The following PGAP3 variants were observed in gnomAD, a reference collection of about 807,000 sequenced individuals.
PGAP3 encodes the protein GPI-specific phospholipase A2-like PGAP3.
In PGAP3, 31 loss-of-function variants were observed where a neutral mutation model predicts 40.3. The ratio of observed to expected loss-of-function variants is 0.77; its 90% confidence interval spans 0.58 to 1.04. The LOEUF (loss-of-function observed/expected upper bound fraction) is 1.04, where lower values mean the gene tolerates loss of function less well. Among genes scored for constraint, PGAP3 ranks in the 50% least tolerant of loss-of-function variants. PGAP3 has a pLI of 0.00. For synonymous variants in PGAP3, 191 were observed against 184.5 expected, an observed-to-expected ratio of 1.04 and a Z score of -0.29; for missense variants, 413 against 423.0, an observed-to-expected ratio of 0.98 and a Z score of 0.21.
chr17:39,672,521 G>A lies in PGAP3; in HGVS notation c.*282C>T, dbSNP rs779294992. 6 of 496,674 alleles carry A rather than the reference G, an allele frequency of 1.2e-5. No homozygotes were observed. The highest frequency in any genetic ancestry group is 1.9e-5 in the African/African-American group (1 of 51,458). 30.8% of individuals were successfully genotyped at this position (496,674 alleles called of 1,614,324 possible). A position where few individuals can be genotyped will look rare whatever the true frequency, so the allele number is the denominator to read the frequency against. On this transcript the variant is annotated 3_prime_UTR_variant, in exon 8 of 8. Transcript: ENST00000300658. ...GGAGGAAACAGGCAGCTGTCCTCCC[G>A]GTAGAGCTAAGAGCACACTCAGTTC...
chr17:39,675,156 G>A (rs1285505940), intron 3 of PGAP3, among the ~76,000 whole-genome samples: 1 of 151,958 alleles, frequency 6.6e-6, no homozygotes, highest in African/African-American at 2.4e-5. Flanking sequence ...GCAGGGGAGG[G>A]AGATCAAGCA....
In PGAP3 at chr17:39,673,262, G is replaced by A. The variant is rs961824619; in HGVS notation, c.695-7C>T. 3 of 1,556,404 alleles carry A rather than the reference G, an allele frequency of 1.9e-6. No homozygotes were observed. The highest frequency in any genetic ancestry group is 2.6e-6 in the Non-Finnish European group (3 of 1,150,510). On this transcript the variant is annotated splice_region_variant and splice_polypyrimidine_tract_variant and intron_variant, in intron 6 of 7. Transcript: ENST00000300658. ...CACACCACGTTGACCAGGCCTGGGTGCCAGTGGGGGCAGGAGAGACTCATT... is the reference window on the plus strand; with the variant it reads ...CACACCACGTTGACCAGGCCTGGGTACCAGTGGGGGCAGGAGAGACTCATT...
In PGAP3 at chr17:39,686,214, C is replaced by T. The variant is rs35466868; in HGVS notation, c.182-195G>A. ...GTACACATAGGGGAAGGTGTATGTA[C>T]GTATGTATGCATATTTTAGTGAGCA... is the stretch of plus-strand genomic sequence containing the variant. On this transcript the variant is annotated intron_variant, in intron 1 of 7. Coordinates refer to ENST00000300658, the MANE Select transcript of PGAP3 (RefSeq NM_033419.5). Among the ~76,000 whole-genome samples, 905 of 152,212 alleles carry T rather than the reference C, an allele frequency of 5.9e-3. 11 individuals are homozygous for T. The highest frequency in any genetic ancestry group is 0.021 in the African/African-American group (865 of 41,530).
At chr17:39,672,914 C>T (rs369539443) in intron 7 of PGAP3, 48 bp from the exon 8 acceptor site, 85 of 1,601,250 alleles carry the variant, frequency 5.3e-5, no homozygotes, top group South Asian at 1.2e-4. Context: ...TCTGACAGCT[C>T]GCATGGAGAC....
intron 3 of PGAP3, among the ~76,000 whole-genome samples, chr17:39,677,430 C>T (rs2057388122): frequency 6.6e-6 from 1 of 152,192 alleles, no homozygotes; most frequent in Non-Finnish European, 1.5e-5. Flanking sequence ...GGAAGAGCCC[C>T]TCCTCCTTCC....
intron 2 of PGAP3, chr17:39,684,983 T>C: frequency 5.9e-6 from 3 of 509,006 alleles, no homozygotes; most frequent in South Asian, 2.7e-5. Flanking sequence ...CCCTGATCTC[T>C]GGGAAGACCA....
At chr17:39,685,187 G>A (rs566616644) in intron 2 of PGAP3, among the ~76,000 whole-genome samples, 2 of 152,000 alleles carry the variant, frequency 1.3e-5, no homozygotes, top group South Asian at 2.1e-4. Context: ...GGATTGAAAC[G>A]TACCAGCAGG....
intron 3 of PGAP3, among the ~76,000 whole-genome samples, chr17:39,682,069 A>G (rs909084546): frequency 2.0e-5 from 3 of 150,788 alleles, no homozygotes; most frequent in African/African-American, 7.3e-5. Context: ...AAATACACAC[A>G]CAAAAAATTA....
At chr17:39,680,835 C>T (rs1203040200) in intron 3 of PGAP3, among the ~76,000 whole-genome samples, 1 of 152,112 alleles carries the variant, frequency 6.6e-6, no homozygotes, top group Non-Finnish European at 1.5e-5. Context: ...GTGATCTCAT[C>T]CACACCCACA....
At chr17:39,677,750 G>C (rs1207109074) in intron 3 of PGAP3, among the ~76,000 whole-genome samples, 1 of 152,232 alleles carries the variant, frequency 6.6e-6, no homozygotes, top group Non-Finnish European at 1.5e-5. Context: ...GGGAGAGCAA[G>C]AGGCTGTTTC....
rs1335120711 is a variant in PGAP3 at position 39,672,104 on chromosome 17, C to T, written c.*699G>A. Reference sequence around the variant, plus strand: ...TGCTCACGGCCCTGTCACCTATGCACTCAGCCTGGCCCACACTCCCGACAC... The same window carrying T: ...TGCTCACGGCCCTGTCACCTATGCATTCAGCCTGGCCCACACTCCCGACAC... On this transcript the variant is annotated 3_prime_UTR_variant, in exon 8 of 8. Transcript: ENST00000300658. 1 of 153,882 alleles carries T rather than the reference C, an allele frequency of 6.5e-6. No homozygotes were observed. The highest frequency in any genetic ancestry group is 1.4e-5 in the Non-Finnish European group (1 of 69,114). 9.5% of individuals were successfully genotyped at this position (153,882 alleles called of 1,614,324 possible).
intron 3 of PGAP3, among the ~76,000 whole-genome samples, chr17:39,684,077 T>C (rs2057475213): frequency 7.0e-6 from 1 of 142,714 alleles, no homozygotes; most frequent in Non-Finnish European, 1.5e-5. Context: ...TGAGCCAAGA[T>C]TGCGCCATTT....
chr17:39,684,736 C>G lies in PGAP3; in HGVS notation c.293G>C (p.Arg98Pro), dbSNP rs780641457. 1.9e-6 allele frequency: 3 copies of G among 1,606,524 alleles called. No individual in the cohort carries two copies. Among genetic ancestry groups the G allele is most frequent in the Admixed American group, 1.7e-5 (1 of 58,700 alleles). Residue 98 changes from arginine (R) to proline (P), a missense_variant, in exon 3 of 8, where the codon CGG (arginine) becomes CCG (proline). Transcript: ENST00000300658. The stretch of plus-strand genomic sequence containing the variant: ...TGCCGGCTCTTGAAAGAACAGGAAC[C>G]GGGAGAAGGGCCACTGAAAAAGGAG... ...PQFHGKWPFS[R>P]FLFFQEPASA...
In PGAP3 at chr17:39,684,607, G is replaced by T; in HGVS notation, c.422C>A (p.Ala141Asp). The change falls in exon 3 of 8, where the codon GCC (alanine) becomes GAC (aspartate). Residue 141 changes from alanine (A) to aspartate (D), a missense_variant. Transcript: ENST00000300658. ...TGCTAGGTTACCTACCCAGGCGAAG[G>T]CCACACAGGTGTGGTACATGGGGGA... ...ASSPMYHTCV[A>D]FAWVSLNAWF... 1.9e-6 allele frequency: 3 copies of T among 1,611,516 alleles called. No individual in the cohort carries two copies. Among genetic ancestry groups the T allele is most frequent in the Non-Finnish European group, 2.5e-6 (3 of 1,178,894 alleles).
At chr17:39,683,901 G>A (rs913905331) in intron 3 of PGAP3, among the ~76,000 whole-genome samples, 2 of 152,040 alleles carry the variant, frequency 1.3e-5, no homozygotes, top group Non-Finnish European at 1.5e-5. Flanking sequence ...GAGGTGGGTG[G>A]ATCACCTGAG....
intron 7 of PGAP3, 74 bp downstream of exon 7, chr17:39,672,977 C>T (rs773931909): frequency 6.4e-5 from 101 of 1,574,440 alleles, no homozygotes; most frequent in Non-Finnish European, 8.2e-5. Flanking sequence ...GCACACAGAG[C>T]CCCCAATCTC....
At chr17:39,686,342 C>T (rs1205575142) in intron 1 of PGAP3, among the ~76,000 whole-genome samples, 2 of 151,520 alleles carry the variant, frequency 1.3e-5, no homozygotes, top group Non-Finnish European at 2.9e-5. Flanking sequence ...CTGCAACCTC[C>T]GCCTCCTGGG....
At chr17:39,680,795 TC>T (rs2057429701) in intron 3 of PGAP3, among the ~76,000 whole-genome samples, 1 of 152,114 alleles carries the variant, frequency 6.6e-6, no homozygotes, top group African/African-American at 2.4e-5. Flanking sequence ...TTGCCCTAGA[TC>T]CCTTCTCTTT....
intron 5 of PGAP3, 133 bp downstream of exon 5, chr17:39,673,860 C>A: frequency 7.9e-7 from 1 of 1,258,470 alleles, no homozygotes; most frequent in Non-Finnish European, 1.1e-6. Flanking sequence ...TCACCCAGGA[C>A]AGCTGATGTG....
Sources: allele counts gnomAD v4.1 joint callset (sites outside exome capture counted in the v4.1 genomes callset), GRCh38; gene constraint gnomAD v4.1.1; transcripts MANE v1.5; gene names NCBI Gene and HGNC (gene_info 2026-07-23, HGNC 2026-07-21).